Variants in GTF3C3 observed in about 807,000 individuals in gnomAD.
The protein encoded by GTF3C3 is general transcription factor IIIC subunit 3, also known as general transcription factor 3C polypeptide 3.
In GTF3C3, 75 loss-of-function variants were observed where a neutral mutation model predicts 105.2. The observed-to-expected ratio is 0.71, with a 90% CI of 0.59 to 0.86. GTF3C3 has a LOEUF of 0.86. GTF3C3 is among the 40% of genes least tolerant of loss of function. GTF3C3 has a pLI of 0.00. For synonymous variants in GTF3C3, 335 were observed against 370.4 expected, an observed-to-expected ratio of 0.90 and a Z score of 1.10; for missense variants, 856 against 1,076.5, an observed-to-expected ratio of 0.80 and a Z score of 2.87.
At chr2:196,771,636 A>G in intron 15 of GTF3C3, 112 bp downstream of exon 15, 1 of 655,378 alleles carries the variant, frequency 1.5e-6, no homozygotes, top group Non-Finnish European at 2.7e-6. Flanking sequence ...AGGAGGAGGT[A>G]GAATAATTTG....
chr2:196,783,274 A>AGGAG (rs982131063), intron 8 of GTF3C3, among the ~76,000 whole-genome samples: 34 of 126,828 alleles, frequency 2.7e-4, no homozygotes, highest in South Asian at 5.8e-4. Flanking sequence ...GAAGGAGGGA[A>AGGAG]GGAGGGAGGG....
intron 15 of GTF3C3, among the ~76,000 whole-genome samples, chr2:196,770,707 T>A (rs1361491604): frequency 6.6e-6 from 1 of 152,212 alleles, no homozygotes; most frequent in Non-Finnish European, 1.5e-5. Context: ...CACATATAGA[T>A]GAAAATTTCT....
intron 4 of GTF3C3, among the ~76,000 whole-genome samples, chr2:196,790,991 T>C (rs977130206): frequency 6.6e-6 from 1 of 151,526 alleles, no homozygotes; most frequent in Non-Finnish European, 1.5e-5. Flanking sequence ...AAAAATAGAG[T>C]AACATAATCT....
chr2:196,772,667 G>A (rs573727565), intron 14 of GTF3C3, among the ~76,000 whole-genome samples: 2 of 152,138 alleles, frequency 1.3e-5, no homozygotes, highest in Non-Finnish European at 2.9e-5. Flanking sequence ...CCTTTTATAA[G>A]TGGGAAGACT....
intron 8 of GTF3C3, among the ~76,000 whole-genome samples, chr2:196,782,367 G>A (rs1699381934): frequency 1.3e-5 from 2 of 152,158 alleles, no homozygotes; most frequent in Non-Finnish European, 2.9e-5. Context: ...AGTCCAAACG[G>A]ACTAAGACAC....
intron 15 of GTF3C3, 79 bp downstream of exon 15, chr2:196,771,669 C>T (rs1699178453): frequency 1.1e-6 from 1 of 939,848 alleles, no homozygotes; most frequent in Non-Finnish European, 1.7e-6. Flanking sequence ...TGATAATTAA[C>T]CCAGACAGTT....
chr2:196,789,720 T>C (rs1210135034), intron 5 of GTF3C3, among the ~76,000 whole-genome samples, 159 bp downstream of exon 5: 6 of 151,974 alleles, frequency 3.9e-5, no homozygotes, highest in Admixed American at 6.5e-5. Flanking sequence ...CTGATAAACA[T>C]GAGAACAGAG....
chr2:196,788,856 G>A (rs1357385476), intron 6 of GTF3C3, among the ~76,000 whole-genome samples: 1 of 152,086 alleles, frequency 6.6e-6, no homozygotes, highest in Non-Finnish European at 1.5e-5. Context: ...CTTGAGGTCA[G>A]GAGTTCGAGA....
At position 196,764,536 on chromosome 2, in the gene GTF3C3, C is replaced by T. The variant is rs1313886880; in HGVS notation, c.*27G>A. 1.9e-6 allele frequency: 3 copies of T among 1,602,434 alleles called. No homozygotes were observed. The highest frequency in any genetic ancestry group is 2.6e-6 in the Non-Finnish European group (3 of 1,172,654). On this transcript the variant is annotated 3_prime_UTR_variant, in exon 18 of 18. Coordinates refer to ENST00000263956, the MANE Select transcript of GTF3C3 (RefSeq NM_012086.5). ...ACACTGGTCCTCACACAGCAGCTGC[C>T]ATTGCTCTGTTCTCAGTTGCGGTGC... is the stretch of plus-strand genomic sequence containing the variant.
At chr2:196,772,813 T>C (rs1367556879) in intron 14 of GTF3C3, 103 bp downstream of exon 14, 1 of 646,972 alleles carries the variant, frequency 1.5e-6, no homozygotes, top group Non-Finnish European at 2.7e-6. Flanking sequence ...ATTAACCAGT[T>C]TATTGTTTAA....
rs769914255 is a variant in GTF3C3, at chr2:196,781,342, G to GAAAAAAAAAAAAAAAAAA, written c.1115-681_1115-680insTTTTTTTTTTTTTTTTTT. Among the ~76,000 whole-genome samples the GAAAAAAAAAAAAAAAAAA allele has an allele frequency of 1.3e-3, 42 of 31,436 alleles. 2 individuals carry two copies. Among genetic ancestry groups the GAAAAAAAAAAAAAAAAAA allele is most frequent in the African/African-American group, 3.5e-3 (29 of 8,332 alleles). The allele number at this position is 31,436 out of a possible 152,430, so 20.6% of individuals were successfully genotyped here. ...AACTGCAGATCAAAAATGTTAAGGG[G>GAAAAAAAAAAAAAAAAAA]AAAAAAAAAAAAAAAATATATATAT... On this transcript the variant is annotated intron_variant, in intron 8 of 17. Coordinates refer to ENST00000263956, the MANE Select transcript of GTF3C3 (RefSeq NM_012086.5).
chr2:196,783,162 G>C (rs1349321903), intron 8 of GTF3C3, among the ~76,000 whole-genome samples: 2 of 151,218 alleles, frequency 1.3e-5, no homozygotes, highest in African/African-American at 2.4e-5. Context: ...TAAGCTGCCA[G>C]ATTTCAGATG....
chr2:196,775,369 C>T (rs1576021543), intron 12 of GTF3C3, 118 bp from the exon 13 acceptor site: 1 of 808,782 alleles, frequency 1.2e-6, no homozygotes, highest in Admixed American at 3.2e-5. Context: ...GATCCTCTCA[C>T]CTTAGCCTCG....
At chr2:196,799,383 A>C (rs974463960) in intron 1 of GTF3C3, 127 bp downstream of exon 1, 7 of 692,004 alleles carry the variant, frequency 1.0e-5, no homozygotes, top group Non-Finnish European at 1.5e-5. Flanking sequence ...TTTCTGTAAG[A>C]TAAGGAAGAA....
In GTF3C3 at chr2:196,764,415, T is replaced by A; in HGVS notation, c.*148A>T. The A allele has an allele frequency of 1.4e-6, 1 of 708,030 alleles. No individual in the cohort carries two copies. 43.9% of individuals were successfully genotyped at this position (708,030 alleles called of 1,614,324 possible). ...ATTTTGCATATATACCACAAGATCATTATCACATATTAAAAATAAATACAC... is the reference window on the plus strand; with the variant it reads ...ATTTTGCATATATACCACAAGATCAATATCACATATTAAAAATAAATACAC... On this transcript the variant is annotated 3_prime_UTR_variant, in exon 18 of 18. Coordinates refer to ENST00000263956, the MANE Select transcript of GTF3C3 (RefSeq NM_012086.5).
intron 1 of GTF3C3, among the ~76,000 whole-genome samples, chr2:196,798,506 A>G (rs1699687294): frequency 6.6e-6 from 1 of 152,142 alleles, no homozygotes; most frequent in Non-Finnish European, 1.5e-5. Context: ...CATGGGTGAC[A>G]GAGCCAGACT....
chr2:196,792,782 T>C (rs1010101296), intron 3 of GTF3C3, among the ~76,000 whole-genome samples, 174 bp downstream of exon 3: 2 of 152,142 alleles, frequency 1.3e-5, no homozygotes, highest in Non-Finnish European at 2.9e-5. Flanking sequence ...CGGCTATAAT[T>C]AAGGTTTTAC....
At chr2:196,791,259 T>A in intron 4 of GTF3C3, 78 bp downstream of exon 4, 1 of 1,367,552 alleles carries the variant, frequency 7.3e-7, no homozygotes, top group Non-Finnish European at 1.0e-6. Flanking sequence ...TTCCAAATAG[T>A]ACTGTGAAGT....
At chr2:196,766,796 G>C in intron 16 of GTF3C3, 79 bp from the exon 17 acceptor site, 3 of 1,079,998 alleles carry the variant, frequency 2.8e-6, no homozygotes, top group Non-Finnish European at 4.0e-6. Flanking sequence ...ACCAGGTGCT[G>C]AAAATACAAA....
Sources: gnomAD v4.1 joint callset for allele counts (sites outside exome capture counted in the v4.1 genomes callset) on GRCh38, gnomAD v4.1.1 for gene constraint, MANE v1.5 for transcripts, NCBI Gene and HGNC (gene_info 2026-07-23, HGNC 2026-07-21) for gene names.